The following UBR1 variants were observed in gnomAD, a reference collection of about 807,000 sequenced individuals.
UBR1 encodes the protein ubiquitin protein ligase E3 component n-recognin 1.
Under a neutral mutation model 242.1 loss-of-function variants are expected in UBR1, and 102 were observed. The ratio of observed to expected loss-of-function variants is 0.42; its 90% confidence interval spans 0.36 to 0.50. The LOEUF (loss-of-function observed/expected upper bound fraction) is 0.50. Among genes scored for constraint, UBR1 ranks in the 20% least tolerant of loss-of-function variants. UBR1 has a pLI of 0.01. For synonymous variants in UBR1, 675 were observed against 684.8 expected, an observed-to-expected ratio of 0.99 and a Z score of 0.22; for missense variants, 1,772 against 2,101.8, an observed-to-expected ratio of 0.84 and a Z score of 3.07.
Position 43,002,637 on chromosome 15 carries a change from C to T in UBR1, c.3577G>A (p.Gly1193Arg). 1 of 1,614,158 alleles carries T rather than the reference C, an allele frequency of 6.2e-7. No homozygotes were observed. Among genetic ancestry groups the T allele is most frequent in the Non-Finnish European group, 8.5e-7 (1 of 1,180,026 alleles). The change falls in exon 32 of 47, where the codon GGA becomes AGA. Residue 1193 changes from glycine (G) to arginine (R), a missense_variant. Around this residue, in one of 3 missense-constraint regions of UBR1, gnomAD observed 965 missense variants for 1,079.7 expected, o/e 0.89. Transcript: ENST00000290650. ...IHVDLFDLES[G>R]EYLCPLCKSL... ...TTGCAAAGAGGGCAAAGATATTCTC[C>T]ACTTTCCAAGTCAAAAAGGTCAACA... is the stretch of plus-strand genomic sequence containing the variant.
At position 42,976,736 on chromosome 15, in the gene UBR1, T is replaced by C. The variant is rs151057109; in HGVS notation, c.4350A>G (p.Ile1450Met). 59 of 1,613,964 alleles carry C rather than the reference T, an allele frequency of 3.7e-5. No individual in the cohort carries two copies. The highest frequency in any genetic ancestry group is 4.8e-5 in the Non-Finnish European group (57 of 1,179,984). ...CCTTACCTGTGTCTACTGTAAGTAG[T>C]ATCTGAAGCATGTGTGCCATGGTGA... ...HLITMAHMLQ[I>M]LLTVDTGLPL... Residue 1450 changes from isoleucine (I) to methionine (M), a missense_variant, in exon 39 of 47, where the codon ATA becomes ATG. By Grantham distance (10) the Ile-to-Met change is conservative. Transcript: ENST00000290650.
intron 29 of UBR1, among the ~76,000 whole-genome samples, chr15:43,008,281 G>A (rs1269981091): frequency 6.6e-6 from 1 of 152,256 alleles, no homozygotes; most frequent in Non-Finnish European, 1.5e-5. Flanking sequence ...AGCTGCAACT[G>A]CCCAGCTCAG....
At position 42,997,310 on chromosome 15, in the gene UBR1, C is replaced by G. The variant is rs140591274; in HGVS notation, c.3757+858G>C. ...GTCGCAGGAAAACAAGCTTAGGGCT[C>G]CCACTGATTCTACATTATGGTGAGT... On this transcript the variant is annotated intron_variant, in intron 33 of 46. Coordinates refer to ENST00000290650, the MANE Select transcript of UBR1 (RefSeq NM_174916.3). 6.6e-5 allele frequency among the ~76,000 whole-genome samples: 10 copies of G among 152,236 alleles called. No homozygotes were observed. The East Asian group carries it at 1.9e-3, about 29-fold the overall frequency.
At chr15:43,104,720 C>T (rs1442440212) in intron 1 of UBR1, among the ~76,000 whole-genome samples, 2 of 151,808 alleles carry the variant, frequency 1.3e-5, no homozygotes, top group African/African-American at 4.8e-5. Context: ...AAACAAAAAA[C>T]CTTCAAGAAT....
intron 18 of UBR1, 120 bp from the exon 19 acceptor site, chr15:43,036,399 CTA>C (rs2033335694): frequency 8.4e-7 from 1 of 1,190,818 alleles, no homozygotes; most frequent in Non-Finnish European, 1.2e-6. Context: ...CCTTCTATTT[CTA>C]TGAGTCATAA....
chr15:42,976,270 G>A (rs559285254), intron 39 of UBR1, among the ~76,000 whole-genome samples: 1 of 152,270 alleles, frequency 6.6e-6, no homozygotes, highest in African/African-American at 2.4e-5. Flanking sequence ...AACAGGGAAA[G>A]GAGCAGAACA....
Position 43,067,963 on chromosome 15 carries a change from G to C in UBR1, c.733C>G (p.Leu245Val). ...HHSYDHVIYS[L>V]QRALDCELAE... ...AGCTCACAGTCAAGAGCTCTTTGTAGGCTGTATATGACGTGGTCATATGAA... is the reference window on the plus strand; with the variant it reads ...AGCTCACAGTCAAGAGCTCTTTGTACGCTGTATATGACGTGGTCATATGAA... Residue 245 changes from leucine (L) to valine (V), a missense_variant, in exon 6 of 47, where the codon CTA becomes GTA. Coordinates refer to ENST00000290650, the MANE Select transcript of UBR1 (RefSeq NM_174916.3). 1 of 1,613,550 alleles carries C rather than the reference G, an allele frequency of 6.2e-7. No individual in the cohort carries two copies. The highest frequency in any genetic ancestry group is 8.5e-7 in the Non-Finnish European group (1 of 1,179,840).
chr15:43,050,933 T>C (rs1166134467), intron 12 of UBR1, among the ~76,000 whole-genome samples: 2 of 152,100 alleles, frequency 1.3e-5, no homozygotes, highest in Non-Finnish European at 2.9e-5. Flanking sequence ...TCACAGACGC[T>C]GGGGAGGTTG....
intron 5 of UBR1, among the ~76,000 whole-genome samples, chr15:43,069,152 C>G (rs1450826953): frequency 6.6e-6 from 1 of 152,172 alleles, no homozygotes; most frequent in Non-Finnish European, 1.5e-5. Context: ...CTCACCTAAT[C>G]TTTTAATCTT....
chr15:42,979,290 C>T (rs1240704039), intron 37 of UBR1, among the ~76,000 whole-genome samples: 3 of 150,934 alleles, frequency 2.0e-5, no homozygotes, highest in Non-Finnish European at 4.4e-5. Context: ...GTGTCTGCCT[C>T]GGCCTCCCAA....
At chr15:42,985,541 CA>C (rs1273589810) in intron 35 of UBR1, among the ~76,000 whole-genome samples, 7 of 152,008 alleles carry the variant, frequency 4.6e-5, no homozygotes, top group African/African-American at 1.7e-4. Flanking sequence ...TTAGTAGAAA[CA>C]GGGTTTCAGC....
chr15:43,094,512 TTTTTCTTTTTTA>T (rs1230476496), intron 1 of UBR1, among the ~76,000 whole-genome samples: 26 of 151,508 alleles, frequency 1.7e-4, no homozygotes, highest in South Asian at 4.1e-4. Flanking sequence ...TTTCTATTTC[TTTTTCTTTTTTA>T]TTTTCTTTTT....
intron 44 of UBR1, among the ~76,000 whole-genome samples, chr15:42,952,703 A>C (rs1478947668): frequency 6.6e-6 from 1 of 152,184 alleles, no homozygotes; most frequent in Non-Finnish European, 1.5e-5. Flanking sequence ...GATAATTCTC[A>C]TAAAGTATGG....
chr15:43,016,948 G>T (rs2033033703), intron 28 of UBR1, 147 bp downstream of exon 28: 1 of 667,418 alleles, frequency 1.5e-6, no homozygotes, highest in Non-Finnish European at 2.7e-6. Flanking sequence ...CAATATAGAA[G>T]CATAATGAAT....
At chr15:43,039,075 A>C (rs928768138) in intron 15 of UBR1, among the ~76,000 whole-genome samples, 2 of 151,690 alleles carry the variant, frequency 1.3e-5, no homozygotes, top group African/African-American at 4.8e-5. Flanking sequence ...ATTTTTATTA[A>C]AAAGGTATTT....
chr15:43,003,734 A>C (rs901199819), intron 31 of UBR1, 103 bp downstream of exon 31: 50 of 1,042,842 alleles, frequency 4.8e-5, no homozygotes, highest in Non-Finnish European at 7.5e-5. Flanking sequence ...TATTCAAATA[A>C]GAAGAAAGGA....
intron 1 of UBR1, among the ~76,000 whole-genome samples, chr15:43,089,575 C>G (rs886085991): frequency 1.1e-4 from 16 of 152,092 alleles, no homozygotes; most frequent in Non-Finnish European, 2.2e-4. Context: ...AAGACAGTAA[C>G]AGAGAGAAAG....
chr15:43,059,278 T>TCAAGACCAACCTG, intron 8 of UBR1, 86 bp from the exon 9 acceptor site: 1 of 1,260,016 alleles, frequency 7.9e-7, no homozygotes, highest in Non-Finnish European at 1.1e-6. Context: ...TTGCCCAGGT[T>TCAAGACCAACCTG]GGTCTTGAAC....
At chr15:42,998,572 T>C (rs2083977661) in intron 32 of UBR1, among the ~76,000 whole-genome samples, 1 of 152,198 alleles carries the variant, frequency 6.6e-6, no homozygotes, top group African/African-American at 2.4e-5. Flanking sequence ...TTTCTCTGAT[T>C]CCCTCACACC....
Sources: allele counts gnomAD v4.1 joint callset (sites outside exome capture counted in the v4.1 genomes callset), GRCh38; gene constraint gnomAD v4.1.1; regional missense constraint gnomAD v4.1.1; transcripts MANE v1.5; gene names NCBI Gene and HGNC (gene_info 2026-07-23, HGNC 2026-07-21).